The following TNRC6B variants were observed in gnomAD, a reference collection of about 807,000 sequenced individuals.
The protein encoded by TNRC6B is trinucleotide repeat-containing gene 6B protein.
TNRC6B carries 52 observed loss-of-function variants against 203.6 expected under a neutral mutation model. That is an observed-to-expected ratio of 0.26 (90% CI 0.20 to 0.32). The LOEUF is 0.32. Among genes scored for constraint, TNRC6B ranks in the 10% least tolerant of loss-of-function variants. The pLI is 1.00. For missense variants in TNRC6B, 1,923 were observed against 2,286.2 expected, an observed-to-expected ratio of 0.84 and a Z score of 3.24; for synonymous variants, 838 against 845.7, an observed-to-expected ratio of 0.99 and a Z score of 0.16.
chr22:40,249,687 C>CT (rs1230110384), intron 2 of TNRC6B, among the ~76,000 whole-genome samples: 1 of 152,218 alleles, frequency 6.6e-6, no homozygotes, highest in East Asian at 1.9e-4. Flanking sequence ...AAATGGCATT[C>CT]TAAGAAATAG....
intron 3 of TNRC6B, among the ~76,000 whole-genome samples, chr22:40,154,840 C>G (rs1320185679): frequency 1.5e-3 from 43 of 29,230 alleles, no homozygotes; most frequent in African/African-American, 6.4e-3. Context: ...GACTCTATCT[C>G]AAAAAAAAAA....
Position 40,323,621 on chromosome 22 carries a change from A to T in TNRC6B, c.*380A>T, listed in dbSNP as rs1175806739. On this transcript the variant is annotated 3_prime_UTR_variant, in exon 23 of 23. Transcript: ENST00000454349. ...TATATGGAAGTTGTTGCTAAGAAACATATATACTGAAAAAAAATAGCTTTT... is the reference window on the plus strand; with the variant it reads ...TATATGGAAGTTGTTGCTAAGAAACTTATATACTGAAAAAAAATAGCTTTT... The T allele has an allele frequency of 6.3e-6, 1 of 157,980 alleles. No individual in the cohort carries two copies. The highest frequency in any genetic ancestry group is 2.4e-5 in the African/African-American group (1 of 41,118). The allele number at this position is 157,980 out of a possible 1,614,324, so 9.8% of individuals were successfully genotyped here. A position where few individuals can be genotyped will look rare whatever the true frequency, so the allele number is the denominator to read the frequency against.
Position 40,328,216 on chromosome 22 carries a change from G to A in TNRC6B, c.*4975G>A, listed in dbSNP as rs562079297. ...GGTTCCAAACCAAATTATTTAATCA[G>A]TGTCCCCCCAATAAATCACTTATCC... On this transcript the variant is annotated 3_prime_UTR_variant, in exon 23 of 23. Coordinates refer to ENST00000454349, the MANE Select transcript of TNRC6B (RefSeq NM_001162501.2). 32 of 152,288 alleles carry A rather than the reference G, an allele frequency of 2.1e-4. No individual in the cohort carries two copies. The highest frequency in any genetic ancestry group is 7.5e-4 in the African/African-American group (31 of 41,556). The allele number at this position is 152,288 out of a possible 1,614,324, so 9.4% of individuals were successfully genotyped here.
chr22:40,159,589 A>G (rs562375471), intron 4 of TNRC6B, among the ~76,000 whole-genome samples: 1 of 152,030 alleles, frequency 6.6e-6, no homozygotes, highest in Admixed American at 6.5e-5. Context: ...CAGTGAGCCA[A>G]GATTGTGCCA....
Position 40,178,110 on chromosome 22 carries a change from G to T in TNRC6B, c.-26G>T. On this transcript the variant is annotated 5_prime_UTR_variant, in exon 1 of 23. Transcript: ENST00000454349. ...ATTTCTACCTTGTATGCCTCAATTT[G>T]CTGGATTTAAGCACTGCTGCACTTT... is the stretch of plus-strand genomic sequence containing the variant. 1 of 1,610,710 alleles carries T rather than the reference G, an allele frequency of 6.2e-7. No homozygotes were observed. Among genetic ancestry groups the T allele is most frequent in the Non-Finnish European group, 8.5e-7 (1 of 1,178,672 alleles).
intron 1 of TNRC6B, among the ~76,000 whole-genome samples, chr22:40,099,345 TC>T (rs2068213750): frequency 1.3e-5 from 2 of 152,066 alleles, no homozygotes; most frequent in Admixed American, 6.6e-5. Flanking sequence ...TATTAAAAAA[TC>T]ATTTGCTGAA....
chr22:40,278,170 T>C, intron 9 of TNRC6B, 126 bp downstream of exon 9: 1 of 750,774 alleles, frequency 1.3e-6, no homozygotes. Flanking sequence ...TTACTCTTTG[T>C]AAGGTACTGT....
At chr22:40,098,560 TC>T (rs1714089638) in intron 1 of TNRC6B, among the ~76,000 whole-genome samples, 1 of 152,160 alleles carries the variant, frequency 6.6e-6, no homozygotes, top group African/African-American at 2.4e-5. Flanking sequence ...TCAAAATTGT[TC>T]TAAGTCATAG....
chr22:40,111,336 G>A (rs1244048895), intron 1 of TNRC6B, among the ~76,000 whole-genome samples: 2 of 152,194 alleles, frequency 1.3e-5, no homozygotes, highest in Non-Finnish European at 2.9e-5. Context: ...CAGTGGGAAT[G>A]GGGTTTTATC....
At chr22:40,312,830 A>G (rs1224838507) in intron 18 of TNRC6B, 72 bp from the exon 19 acceptor site, 10 of 1,509,396 alleles carry the variant, frequency 6.6e-6, no homozygotes, top group Non-Finnish European at 9.2e-6. Flanking sequence ...TTTAAACAAA[A>G]TACTCTCAAG....
intron 1 of TNRC6B, among the ~76,000 whole-genome samples, chr22:40,077,216 C>T (rs575820933): frequency 5.3e-5 from 8 of 152,166 alleles, no homozygotes; most frequent in African/African-American, 1.7e-4. Flanking sequence ...CTGATTATTT[C>T]GCTCACGGTA....
At position 40,310,764 on chromosome 22, in the gene TNRC6B, A is replaced by G. The variant is rs1031253579; in HGVS notation, c.4259-53A>G. The G allele has an allele frequency of 1.1e-5, 16 of 1,504,980 alleles. No homozygotes were observed. The Admixed American group carries it at 2.6e-4, about 24-fold the overall frequency. 93.2% of individuals were successfully genotyped at this position (1,504,980 alleles called of 1,614,324 possible). A position where few individuals can be genotyped will look rare whatever the true frequency, so the allele number is the denominator to read the frequency against. On this transcript the variant is annotated intron_variant, in intron 16 of 22. Coordinates refer to ENST00000454349, the MANE Select transcript of TNRC6B (RefSeq NM_001162501.2). ...CATTCCAGCGAATAAAAAATAGACA[A>G]GTTCTATTCATAGGAGTTATTCTGG...
intron 1 of TNRC6B, among the ~76,000 whole-genome samples, chr22:40,210,654 G>C (rs949326667): frequency 6.6e-6 from 1 of 152,180 alleles, no homozygotes; most frequent in Non-Finnish European, 1.5e-5. Context: ...GACGGTGTTA[G>C]GGCTTAAATA....
chr22:40,052,208 A>G (rs1487231002), intron 1 of TNRC6B, among the ~76,000 whole-genome samples: 1 of 152,204 alleles, frequency 6.6e-6, no homozygotes, highest in South Asian at 2.1e-4. Context: ...AGTTCTCGTC[A>G]TATTCTCTGA....
chr22:40,332,170 C>T lies in TNRC6B; in HGVS notation c.*8929C>T, dbSNP rs1028040139. The stretch of plus-strand genomic sequence containing the variant: ...TCGATTTTGAAAAACTCCGCCTCCT[C>T]TCTCCTTTTTAATATTTCTTTCTTC... On this transcript the variant is annotated 3_prime_UTR_variant, in exon 23 of 23. Coordinates refer to ENST00000454349, the MANE Select transcript of TNRC6B (RefSeq NM_001162501.2). The T allele has an allele frequency of 1.3e-5, 2 of 152,810 alleles. No individual in the cohort carries two copies. Among genetic ancestry groups the T allele is most frequent in the Non-Finnish European group, 2.9e-5 (2 of 68,198 alleles). 9.5% of individuals were successfully genotyped at this position (152,810 alleles called of 1,614,324 possible). A position where few individuals can be genotyped will look rare whatever the true frequency, so the allele number is the denominator to read the frequency against.
At chr22:40,174,699 C>T (rs572174646), upstream of TNRC6B, among the ~76,000 whole-genome samples, 1 of 152,122 alleles carries the variant, frequency 6.6e-6, no homozygotes, top group African/African-American at 2.4e-5. Context: ...GTGGCAGGCA[C>T]CTATAGTCCC....
chr22:40,221,060 T>G (rs1313199821), intron 1 of TNRC6B, among the ~76,000 whole-genome samples: 14 of 152,286 alleles, frequency 9.2e-5, no homozygotes, highest in African/African-American at 3.4e-4. Context: ...TCCCCCCTGG[T>G]GTCTGGGATG....
rs1203815448 is a variant in TNRC6B, at chr22:40,325,800, C to T, written c.*2559C>T. Reference sequence around the variant, plus strand: ...AGTGGCGACCCTGTCCACTGCCGCTCTTGGTTCACTGCTGTGTCCTGCCCC... The same window carrying T: ...AGTGGCGACCCTGTCCACTGCCGCTTTTGGTTCACTGCTGTGTCCTGCCCC... On this transcript the variant is annotated 3_prime_UTR_variant, in exon 23 of 23. Transcript: ENST00000454349. 1.3e-5 allele frequency: 2 copies of T among 152,768 alleles called. No homozygotes were observed. The highest frequency in any genetic ancestry group is 6.5e-5 in the Admixed American group (1 of 15,272). The allele number at this position is 152,768 out of a possible 1,614,324, so 9.5% of individuals were successfully genotyped here. A position where few individuals can be genotyped will look rare whatever the true frequency, so the allele number is the denominator to read the frequency against.
chr22:40,085,886 G>GTTT (rs1555977509), intron 1 of TNRC6B, among the ~76,000 whole-genome samples: 1 of 151,358 alleles, frequency 6.6e-6, no homozygotes, highest in South Asian at 2.1e-4. Flanking sequence ...TGTTGTTGTT[G>GTTT]TTGAGACAGG....
Sources: gnomAD v4.1 joint callset for allele counts (sites outside exome capture counted in the v4.1 genomes callset) on GRCh38, gnomAD v4.1.1 for gene constraint, MANE v1.5 for transcripts, NCBI Gene and HGNC (gene_info 2026-07-23, HGNC 2026-07-21) for gene names.